The following PACSIN2 variants were observed in gnomAD, a reference collection of about 807,000 sequenced individuals.
PACSIN2 encodes protein kinase C and casein kinase substrate in neurons protein 2.
In PACSIN2, 25 loss-of-function variants were observed where a neutral mutation model predicts 63.8. The observed-to-expected ratio is 0.39, with a 90% CI of 0.29 to 0.55. The LOEUF (loss-of-function observed/expected upper bound fraction) is 0.55. Among genes scored for constraint, PACSIN2 ranks in the 20% least tolerant of loss-of-function variants. The pLI, the probability that PACSIN2 is intolerant of heterozygous loss-of-function variation, is 0.62. For missense variants in PACSIN2, 518 were observed against 646.9 expected (o/e 0.80, Z 2.16); for synonymous variants, 255 against 256.2 (o/e 1.00, Z 0.05).
At position 42,893,535 on chromosome 22, in the gene PACSIN2, C is replaced by T; in HGVS notation, c.139G>A (p.Glu47Lys). The change falls in exon 3 of 11, where the codon GAG becomes AAG. Residue 47 changes from glutamate to lysine, a missense_variant. This residue lies in a region of PACSIN2 where 507 missense variants were observed against 612.3 expected (regional missense o/e 0.83). Coordinates refer to ENST00000263246, the MANE Select transcript of PACSIN2 (RefSeq NM_001184970.3). ...TACGCCTTCTCGATGCGCGCCCGCT[C>T]ATGCAGGCAGTTCATGAGGTCGCTG... ...LCSDLMNCLH[E>K]RARIEKAYAQ... The T allele has an allele frequency of 6.2e-7, 1 of 1,614,120 alleles. No homozygotes were observed. Among genetic ancestry groups the T allele is most frequent in the Non-Finnish European group, 8.5e-7 (1 of 1,180,016 alleles).
Position 42,964,709 on chromosome 22 carries a change from G to A in PACSIN2, c.-78+50312C>T, listed in dbSNP as rs181398303. On this transcript the variant is annotated intron_variant, in intron 1 of 10. Coordinates refer to ENST00000263246, the MANE Select transcript of PACSIN2 (RefSeq NM_001184970.3). ...CAAACACAGAGCCAGGTGATCCATC[G>A]GCAGCAGGGACGACAAAGTTAGACA... 1.4e-3 allele frequency among the ~76,000 whole-genome samples: 211 copies of A among 152,100 alleles called. 1 individual carries two copies. The highest frequency in any genetic ancestry group is 1.1e-3 in the Non-Finnish European group (77 of 67,982).
chr22:42,998,088 T>C (rs562825602), intron 1 of PACSIN2, among the ~76,000 whole-genome samples: 8 of 152,276 alleles, frequency 5.3e-5, no homozygotes, highest in African/African-American at 1.9e-4. Flanking sequence ...AGTCTGAGGT[T>C]TGGATTTGAG....
At chr22:42,879,497 G>C (rs1450725185) in intron 7 of PACSIN2, among the ~76,000 whole-genome samples, 1 of 152,158 alleles carries the variant, frequency 6.6e-6, no homozygotes, top group Non-Finnish European at 1.5e-5. Flanking sequence ...CAAGGTCCGG[G>C]GCCTCCTGTT....
intron 7 of PACSIN2, among the ~76,000 whole-genome samples, 186 bp from the exon 8 acceptor site, chr22:42,879,355 A>G (rs1286283445): frequency 6.6e-6 from 1 of 152,060 alleles, no homozygotes; most frequent in Non-Finnish European, 1.5e-5. Context: ...TATGAACCCA[A>G]ACGACCTGAG....
intron 1 of PACSIN2, among the ~76,000 whole-genome samples, chr22:42,929,671 G>A (rs899867434): frequency 2.6e-5 from 4 of 152,162 alleles, no homozygotes; most frequent in African/African-American, 9.7e-5. Context: ...ATTGTGTGAC[G>A]TCTGCTCCAG....
chr22:42,979,139 A>C (rs1921896256), intron 1 of PACSIN2, among the ~76,000 whole-genome samples: 1 of 152,210 alleles, frequency 6.6e-6, no homozygotes, highest in Admixed American at 6.5e-5. Context: ...GAGACATAGA[A>C]ACTTCAAAAA....
chr22:42,983,372 C>A (rs920691251), intron 1 of PACSIN2, among the ~76,000 whole-genome samples: 2 of 146,980 alleles, frequency 1.4e-5, no homozygotes, highest in African/African-American at 5.1e-5. Flanking sequence ...CACTTCTAAT[C>A]CCAGCTACTT....
At chr22:42,984,599 A>AG (rs1294914788) in intron 1 of PACSIN2, among the ~76,000 whole-genome samples, 3 of 152,200 alleles carry the variant, frequency 2.0e-5, no homozygotes, top group Non-Finnish European at 4.4e-5. Context: ...CCTGCTGCAA[A>AG]GGTTCCTGGT....
chr22:42,955,090 C>T (rs943451633), intron 1 of PACSIN2, among the ~76,000 whole-genome samples: 2 of 152,120 alleles, frequency 1.3e-5, no homozygotes, highest in South Asian at 2.1e-4. Flanking sequence ...CTCCTCCATT[C>T]TTCATGGCAG....
At chr22:42,911,859 T>C (rs1931480606) in intron 2 of PACSIN2, among the ~76,000 whole-genome samples, 162 bp downstream of exon 2, 1 of 152,204 alleles carries the variant, frequency 6.6e-6, no homozygotes, top group Non-Finnish European at 1.5e-5. Flanking sequence ...TAAAAACAAG[T>C]GTCCAAACCT....
chr22:43,000,337 C>T (rs890049788), intron 1 of PACSIN2, among the ~76,000 whole-genome samples: 1 of 152,166 alleles, frequency 6.6e-6, no homozygotes, highest in African/African-American at 2.4e-5. Context: ...GCCAACTCTA[C>T]CCCAAGGAGA....
intron 5 of PACSIN2, among the ~76,000 whole-genome samples, chr22:42,884,850 G>A (rs550837218): frequency 6.8e-4 from 104 of 152,314 alleles, no homozygotes; most frequent in African/African-American, 2.3e-3. Flanking sequence ...CGTGCCACAC[G>A]CCCATGTCCT....
intron 1 of PACSIN2, among the ~76,000 whole-genome samples, chr22:42,962,195 T>TTG (rs386395524): frequency 1.3e-5 from 2 of 151,780 alleles, no homozygotes; most frequent in Non-Finnish European, 2.9e-5. Context: ...TTTTTTTTTT[T>TTG]TGTCCCAGAG....
At chr22:42,945,604 T>C (rs899436858) in intron 1 of PACSIN2, among the ~76,000 whole-genome samples, 2 of 152,104 alleles carry the variant, frequency 1.3e-5, no homozygotes, top group African/African-American at 2.4e-5. Flanking sequence ...CAGAAACTCC[T>C]CTTCTTCCCA....
intron 1 of PACSIN2, among the ~76,000 whole-genome samples, chr22:42,971,656 C>T (rs955733307): frequency 6.6e-5 from 10 of 152,272 alleles, no homozygotes; most frequent in African/African-American, 2.4e-4. Flanking sequence ...CTCTGCCCGG[C>T]CGCCCATCGT....
intron 10 of PACSIN2, 46 bp downstream of exon 10, chr22:42,876,091 C>T: frequency 2.0e-6 from 3 of 1,532,122 alleles, no homozygotes; most frequent in Non-Finnish European, 2.7e-6. Context: ...CCACAGCCTG[C>T]AGGTTGGAAG....
intron 10 of PACSIN2, 62 bp downstream of exon 10, chr22:42,876,075 G>C (rs978778351): frequency 1.2e-5 from 18 of 1,440,186 alleles, no homozygotes; most frequent in African/African-American, 1.4e-5. Flanking sequence ...AAACAAAAAA[G>C]ACCGCCCACA....
intron 1 of PACSIN2, among the ~76,000 whole-genome samples, chr22:42,914,395 G>A (rs779365269): frequency 6.6e-6 from 1 of 152,204 alleles, no homozygotes; most frequent in Non-Finnish European, 1.5e-5. Context: ...ACCACGCTCG[G>A]CTAATTTTTG....
intron 1 of PACSIN2, among the ~76,000 whole-genome samples, chr22:42,933,370 C>G (rs1932821996): frequency 6.6e-6 from 1 of 152,198 alleles, no homozygotes; most frequent in Non-Finnish European, 1.5e-5. Flanking sequence ...GACTGCCAAG[C>G]CCAGCATTGT....
Sources: allele counts gnomAD v4.1 joint callset (sites outside exome capture counted in the v4.1 genomes callset), GRCh38; gene constraint gnomAD v4.1.1; regional missense constraint gnomAD v4.1.1; transcripts MANE v1.5; gene names NCBI Gene and HGNC (gene_info 2026-07-23, HGNC 2026-07-21).